C1QL2: variants seen among roughly 807,000 people sequenced by gnomAD.
C1QL2 encodes complement C1q like 2.
A neutral mutation model predicts 16.6 loss-of-function variants in C1QL2; 13 were observed. The observed-to-expected ratio is 0.78, with a 90% CI of 0.51 to 1.25. The LOEUF (loss-of-function observed/expected upper bound fraction) is 1.25. Ranked by LOEUF, C1QL2 falls within the 50% of genes most tolerant of loss-of-function variation. The pLI is 0.00. For missense variants in C1QL2, 396 were observed against 409.6 expected (o/e 0.97, Z 0.29); for synonymous variants, 210 against 183.2 (o/e 1.15, Z -1.18).
chr2:119,158,114 G>A lies in C1QL2; in HGVS notation c.156C>T (p.Pro52=), dbSNP rs774144378. The part of the protein sequence containing the change: ...GEPPGAKAQP[P]GPSTAALEVM... ...CTTCCAGGGCGGCGGTGCTGGGTCC[G>A]GGTGGCTGCGCCTTTGCACCCGGGG... The change falls in exon 1 of 2, where the codon CCC becomes CCT. Residue 52 remains proline (P), a synonymous_variant. Transcript: ENST00000272520. The A allele has an allele frequency of 2.0e-6, 3 of 1,538,338 alleles. No homozygotes were observed. The highest frequency in any genetic ancestry group is 4.1e-5 in the Admixed American group (2 of 49,336).
chr2:119,156,528 A>C lies in C1QL2; in HGVS notation c.*274T>G. 1.5e-5 allele frequency: 5 copies of C among 343,672 alleles called. No individual in the cohort carries two copies. The highest frequency in any genetic ancestry group is 2.7e-5 in the Non-Finnish European group (5 of 187,200). The allele number at this position is 343,672 out of a possible 1,614,324, so 21.3% of individuals were successfully genotyped here. A position where few individuals can be genotyped will look rare whatever the true frequency, so the allele number is the denominator to read the frequency against. On this transcript the variant is annotated 3_prime_UTR_variant, in exon 2 of 2. Coordinates refer to ENST00000272520, the MANE Select transcript of C1QL2 (RefSeq NM_182528.4). ...GCTCCCGGCCCTGCCTGTCCAGTCT[A>C]ATCAGGTTTGCAAAGTCTGTGCCGC...
chr2:119,157,710 T>C lies in C1QL2; in HGVS notation c.560A>G (p.His187Arg). The C allele has an allele frequency of 6.2e-7, 1 of 1,614,166 alleles. No homozygotes were observed. Among genetic ancestry groups the C allele is most frequent in the South Asian group, 1.1e-5 (1 of 91,080 alleles). The change falls in exon 1 of 2, where the codon CAC (histidine) becomes CGC (arginine). Residue 187 changes from histidine to arginine, a missense_variant. His to Arg is a conservative substitution (Grantham distance 29, BLOSUM62 0). Transcript: ENST00000272520. ...FDDVVTNLGN[H>R]YDPTTGKFSC... is the part of the protein sequence containing the mutation. ...GAACTTGCCCGTGGTGGGGTCATAG[T>C]GATTGCCGAGGTTGGTGACCACGTC...
In C1QL2 at chr2:119,156,676, G is replaced by C; in HGVS notation, c.*126C>G. 8.8e-7 allele frequency: 1 copy of C among 1,140,958 alleles called. No homozygotes were observed. Among genetic ancestry groups the C allele is most frequent in the Non-Finnish European group, 1.2e-6 (1 of 823,832 alleles). 70.7% of individuals were successfully genotyped at this position (1,140,958 alleles called of 1,614,324 possible). A position where few individuals can be genotyped will look rare whatever the true frequency, so the allele number is the denominator to read the frequency against. ...CCAGGAGCGGGGCAGGGAGGACGCA[G>C]GGATTTGTCTTTTCCAAAGGAGATG... On this transcript the variant is annotated 3_prime_UTR_variant, in exon 2 of 2. Coordinates refer to ENST00000272520, the MANE Select transcript of C1QL2 (RefSeq NM_182528.4).
chr2:119,156,744 C>T lies in C1QL2; in HGVS notation c.*58G>A. The T allele has an allele frequency of 1.3e-6, 2 of 1,561,974 alleles. No homozygotes were observed. Among genetic ancestry groups the T allele is most frequent in the East Asian group, 2.3e-5 (1 of 44,436 alleles). On this transcript the variant is annotated 3_prime_UTR_variant, in exon 2 of 2. Coordinates refer to ENST00000272520, the MANE Select transcript of C1QL2 (RefSeq NM_182528.4). ...TCGAGAGTGGCCTTTGCCAAGGAGC[C>T]GCGCCCGGGCGGAGACCGGGCGGCC... is the stretch of plus-strand genomic sequence containing the variant.
Position 119,156,630 on chromosome 2 carries a change from T to G in C1QL2, c.*172A>C. ...ACCAGGAGCACAGCCCTGAGCGTGG[T>G]GGGTCGCAGACGCACTGAGGCCAGG... is the stretch of plus-strand genomic sequence containing the variant. On this transcript the variant is annotated 3_prime_UTR_variant, in exon 2 of 2. Coordinates refer to ENST00000272520, the MANE Select transcript of C1QL2 (RefSeq NM_182528.4). 1 of 741,964 alleles carries G rather than the reference T, an allele frequency of 1.3e-6. No homozygotes were observed. The highest frequency in any genetic ancestry group is 3.0e-5 in the Admixed American group (1 of 33,202). 46.0% of individuals were successfully genotyped at this position (741,964 alleles called of 1,614,324 possible). A position where few individuals can be genotyped will look rare whatever the true frequency, so the allele number is the denominator to read the frequency against.
rs1015159606 is a variant in C1QL2 at position 119,158,384 on chromosome 2, C to A, written c.-115G>T. Reference sequence around the variant, plus strand: ...CCGGGGAGGTAATGGTGGGGCGGCGCGGGCGGCCCCGCTCCCCGCGCTCGG... The same window carrying A: ...CCGGGGAGGTAATGGTGGGGCGGCGAGGGCGGCCCCGCTCCCCGCGCTCGG... On this transcript the variant is annotated 5_prime_UTR_variant, in exon 1 of 2. Transcript: ENST00000272520. 1.2e-4 allele frequency: 108 copies of A among 913,080 alleles called. No individual in the cohort carries two copies. The highest frequency in any genetic ancestry group is 2.7e-4 in the Admixed American group (6 of 22,322). The allele number at this position is 913,080 out of a possible 1,614,324, so 56.6% of individuals were successfully genotyped here.
Position 119,157,968 on chromosome 2 carries a change from G to A in C1QL2, c.302C>T (p.Pro101Leu). The A allele has an allele frequency of 6.6e-7, 1 of 1,521,632 alleles. No homozygotes were observed. Among genetic ancestry groups the A allele is most frequent in the Non-Finnish European group, 8.8e-7 (1 of 1,135,342 alleles). The allele number at this position is 1,521,632 out of a possible 1,614,324, so 94.3% of individuals were successfully genotyped here. A position where few individuals can be genotyped will look rare whatever the true frequency, so the allele number is the denominator to read the frequency against. ...GCCCTTCTCTCCCGGAGGGCCCCTG[G>A]GTCCAGGCGGGCCCGGCTCTCCAGG... is the stretch of plus-strand genomic sequence containing the variant. ...GPPGEPGPPG[P>L]RGPPGEKGDS... The change falls in exon 1 of 2, where the codon CCC (proline) becomes CTC (leucine). Residue 101 changes from proline (P) to leucine (L), a missense_variant. By Grantham distance (98) the Pro-to-Leu change is moderately conservative. Around this residue, in one of 2 missense-constraint regions of C1QL2, gnomAD observed 353 missense variants for 334.8 expected, o/e 1.05. Coordinates refer to ENST00000272520, the MANE Select transcript of C1QL2 (RefSeq NM_182528.4).
Position 119,158,046 on chromosome 2 carries a change from T to A in C1QL2, c.224A>T (p.Gln75Leu), listed in dbSNP as rs749839428. ...TCGCCCCGGGTCGCCCTTGGGTCCC[T>A]GGATGAAAGGAGGAGGAGGGTTGGC... ...LSANPPPPFI[Q>L]GPKGDPGRPG... Residue 75 changes from glutamine (Q) to leucine (L), a missense_variant, in exon 1 of 2, where the codon CAG (glutamine) becomes CTG (leucine). By Grantham distance (113) the Gln-to-Leu change is moderately radical (BLOSUM62 -2). Coordinates refer to ENST00000272520, the MANE Select transcript of C1QL2 (RefSeq NM_182528.4). 1 of 1,530,134 alleles carries A rather than the reference T, an allele frequency of 6.5e-7. No homozygotes were observed. The highest frequency in any genetic ancestry group is 8.8e-7 in the Non-Finnish European group (1 of 1,138,804). The allele number at this position is 1,530,134 out of a possible 1,614,324, so 94.8% of individuals were successfully genotyped here. A position where few individuals can be genotyped will look rare whatever the true frequency, so the allele number is the denominator to read the frequency against.
Position 119,157,001 on chromosome 2 carries a change from G to A in C1QL2, c.685-20C>T. On this transcript the variant is annotated intron_variant, in intron 1 of 1. Transcript: ENST00000272520. ...CCGGACCTGGGGACAAGCGGTGGGA[G>A]CAGGTGAGCCGGGGCACCTCTTCCC... 1 of 1,611,698 alleles carries A rather than the reference G, an allele frequency of 6.2e-7. No individual in the cohort carries two copies. Among genetic ancestry groups the A allele is most frequent in the Middle Eastern group, 1.8e-4 (1 of 5,544 alleles).
intron 1 of C1QL2, among the ~76,000 whole-genome samples, chr2:119,157,322 G>A (rs577139151): frequency 5.3e-5 from 8 of 152,348 alleles, no homozygotes; most frequent in African/African-American, 1.9e-4. Context: ...GAAGCCCACG[G>A]AGAGGCAGGC....
rs768044358 is a variant in C1QL2 at position 119,158,080 on chromosome 2, C to T, written c.190G>A (p.Asp64Asn). The change falls in exon 1 of 2, where the codon GAC (aspartate) becomes AAC (asparagine). Residue 64 changes from aspartate to asparagine, a missense_variant. This residue lies in a region of C1QL2 where 353 missense variants were observed against 334.8 expected (regional missense o/e 1.05). Coordinates refer to ENST00000272520, the MANE Select transcript of C1QL2 (RefSeq NM_182528.4). ...GGAGGAGGAGGGTTGGCGCTGAGGT[C>T]CTGCATGACTTCCAGGGCGGCGGTG... ...PSTAALEVMQ[D>N]LSANPPPPFI... The T allele has an allele frequency of 6.5e-7, 1 of 1,527,784 alleles. No individual in the cohort carries two copies. The highest frequency in any genetic ancestry group is 1.2e-5 in the South Asian group (1 of 81,930). The allele number at this position is 1,527,784 out of a possible 1,614,324, so 94.6% of individuals were successfully genotyped here.
chr2:119,158,347 C>A lies in C1QL2; in HGVS notation c.-78G>T. On this transcript the variant is annotated 5_prime_UTR_variant, in exon 1 of 2. Transcript: ENST00000272520. ...AGCCGGGAGGCGACCGCCACCAGCT[C>A]CTCCTTGCCGCCCGGGGAGGTAATG... 1 of 1,215,688 alleles carries A rather than the reference C, an allele frequency of 8.2e-7. No individual in the cohort carries two copies. The allele number at this position is 1,215,688 out of a possible 1,614,324, so 75.3% of individuals were successfully genotyped here.
chr2:119,157,859 C>T lies in C1QL2; in HGVS notation c.411G>A (p.Gly137=), dbSNP rs1207414762. Residue 137 remains glycine (G), a synonymous_variant, in exon 1 of 2, where the codon GGG becomes GGA. Coordinates refer to ENST00000272520, the MANE Select transcript of C1QL2 (RefSeq NM_182528.4). The part of the protein sequence containing the change: ...SGVGVVGGGA[G]VGGDSEGEVT... ...CTTCACCCTCGGAATCGCCACCTAC[C>T]CCGGCCCCGCCGCCCACCACCCCGA... 6.3e-7 allele frequency: 1 copy of T among 1,583,980 alleles called. No homozygotes were observed. The highest frequency in any genetic ancestry group is 1.8e-5 in the Admixed American group (1 of 56,990).
In C1QL2 at chr2:119,157,272, G is replaced by C. The variant is rs554354697; in HGVS notation, c.685-291C>G. On this transcript the variant is annotated intron_variant, in intron 1 of 1. Coordinates refer to ENST00000272520, the MANE Select transcript of C1QL2 (RefSeq NM_182528.4). ...AAGAGGAAAGGAGGCTGCAGGGCAA[G>C]GGGGCGACCTGGAGAGAACTAAAGA... 1.4e-3 allele frequency among the ~76,000 whole-genome samples: 216 copies of C among 152,344 alleles called. 2 individuals are homozygous for C. Among genetic ancestry groups the C allele is most frequent in the African/African-American group, 5.0e-3 (207 of 41,574 alleles).
chr2:119,157,843 C>T lies in C1QL2; in HGVS notation c.427G>A (p.Glu143Lys). ...CTCAGCGCACTGGTCACTTCACCCT[C>T]GGAATCGCCACCTACCCCGGCCCCG... Reference protein sequence around the residue: ...GGGAGVGGDSEGEVTSALSAT... With the variant: ...GGGAGVGGDSKGEVTSALSAT... Residue 143 changes from glutamate (E) to lysine (K), a missense_variant, in exon 1 of 2, where the codon GAG (glutamate) becomes AAG (lysine). By Grantham distance (56) the Glu-to-Lys change is moderately conservative (BLOSUM62 1). Coordinates refer to ENST00000272520, the MANE Select transcript of C1QL2 (RefSeq NM_182528.4). 1.3e-6 allele frequency: 2 copies of T among 1,587,092 alleles called. No homozygotes were observed. The highest frequency in any genetic ancestry group is 1.7e-4 in the Middle Eastern group (1 of 5,852).
Position 119,156,659 on chromosome 2 carries a change from G to C in C1QL2, c.*143C>G, listed in dbSNP as rs1677966512. On this transcript the variant is annotated 3_prime_UTR_variant, in exon 2 of 2. Transcript: ENST00000272520. ...TCGCAGACGCACTGAGGCCAGGAGC[G>C]GGGCAGGGAGGACGCAGGGATTTGT... The C allele has an allele frequency of 4.1e-6, 4 of 976,426 alleles. No homozygotes were observed. The highest frequency in any genetic ancestry group is 2.9e-5 in the Admixed American group (1 of 34,972). The allele number at this position is 976,426 out of a possible 1,614,324, so 60.5% of individuals were successfully genotyped here. A position where few individuals can be genotyped will look rare whatever the true frequency, so the allele number is the denominator to read the frequency against.
chr2:119,156,800 C>T lies in C1QL2; in HGVS notation c.*2G>A. The T allele has an allele frequency of 6.2e-7, 1 of 1,613,076 alleles. No homozygotes were observed. The highest frequency in any genetic ancestry group is 1.1e-5 in the South Asian group (1 of 90,936). On this transcript the variant is annotated 3_prime_UTR_variant, in exon 2 of 2. Transcript: ENST00000272520. ...CCACCCCGCCTCGCACCCCCCGCGC[C>T]CCTAATCCGGGTACAGAAGAAAGCC...
rs371906170 is a variant in C1QL2, at chr2:119,157,625, G to A, written c.645C>T (p.Asp215=). Residue 215 remains aspartate, a synonymous_variant, in exon 1 of 2, where the codon GAC becomes GAT. Transcript: ENST00000272520. The part of the protein sequence containing the change: ...FTYHILMRGG[D]GTSMWADLCK... ...AGAGGTCCGCCCACATGCTGGTGCC[G>A]TCGCCGCCGCGCATGAGGATGTGGT... The A allele has an allele frequency of 2.5e-6, 4 of 1,614,174 alleles. No homozygotes were observed. Among genetic ancestry groups the A allele is most frequent in the Non-Finnish European group, 3.4e-6 (4 of 1,180,028 alleles).
In C1QL2 at chr2:119,156,980, AC is replaced by A; in HGVS notation, c.685del (p.Val229SerfsTer33). The part of the protein sequence containing the change: ...MWADLCKNGQ[V>X]RASAIAQDAD... ...GTCCTGTGCAATGGCGCTGGCCCGG[AC>A]CTGGGGACAAGCGGTGGGAGCAGGT... On this transcript the variant is annotated frameshift_variant and splice_region_variant, in exon 2 of 2. Coordinates refer to ENST00000272520, the MANE Select transcript of C1QL2 (RefSeq NM_182528.4). LOFTEE classifies it high-confidence loss of function. The A allele has an allele frequency of 6.2e-7, 1 of 1,613,530 alleles. No individual in the cohort carries two copies. Among genetic ancestry groups the A allele is most frequent in the Non-Finnish European group, 8.5e-7 (1 of 1,179,802 alleles).
Sources: allele counts gnomAD v4.1 joint callset (sites outside exome capture counted in the v4.1 genomes callset), GRCh38; gene constraint gnomAD v4.1.1; regional missense constraint gnomAD v4.1.1; transcripts MANE v1.5; gene names NCBI Gene and HGNC (gene_info 2026-07-23, HGNC 2026-07-21).